BPIFC: variants seen among roughly 807,000 people sequenced by gnomAD.
BPIFC encodes the protein BPI fold containing family C, also known as BPI fold-containing family C protein.
In BPIFC, 60 loss-of-function variants were observed where a neutral mutation model predicts 57.6. The ratio of observed to expected loss-of-function variants is 1.04; its 90% confidence interval spans 0.85 to 1.29. The LOEUF (loss-of-function observed/expected upper bound fraction) is 1.29, where lower values mean the gene tolerates loss of function less well. BPIFC is among the 50% of genes most tolerant of loss of function. The probability of loss-of-function intolerance (pLI) is 0.00; values close to 1 mark genes in which losing one functional copy is unlikely to be tolerated. For missense variants in BPIFC, 581 were observed against 600.5 expected, an observed-to-expected ratio of 0.97 and a Z score of 0.34; for synonymous variants, 243 against 224.5, an observed-to-expected ratio of 1.08 and a Z score of -0.74.
chr22:32,449,616 G>A (rs926631167), intron 4 of BPIFC, among the ~76,000 whole-genome samples: 1 of 152,078 alleles, frequency 6.6e-6, no homozygotes, highest in African/African-American at 2.4e-5. Flanking sequence ...GTGGATGGAT[G>A]TACCATTTCA....
intron 2 of BPIFC, among the ~76,000 whole-genome samples, chr22:32,460,721 C>A (rs1361756844): frequency 6.6e-6 from 1 of 152,212 alleles, no homozygotes; most frequent in African/African-American, 2.4e-5. Flanking sequence ...TATGACTTCC[C>A]TGAGTTAATT....
In BPIFC at chr22:32,457,560, T is replaced by A. The variant is rs146751183; in HGVS notation, c.1-174A>T. 3.3e-3 allele frequency among the ~76,000 whole-genome samples: 197 copies of A among 59,402 alleles called. 3 individuals carry two copies. In the South Asian group the frequency reaches 0.11, roughly 35 times the overall value. The allele number at this position is 59,402 out of a possible 152,430, so 39.0% of individuals were successfully genotyped here. On this transcript the variant is annotated intron_variant, in intron 2 of 16. Coordinates refer to ENST00000300399, the MANE Select transcript of BPIFC (RefSeq NM_174932.3). ...ATCCATCCATCCAACCATCCATCCG[T>A]CCATCCATCCATCCATCCATCCATC...
chr22:32,422,111 AT>A (rs1312419536), intron 13 of BPIFC, among the ~76,000 whole-genome samples: 2 of 152,140 alleles, frequency 1.3e-5, no homozygotes, highest in Non-Finnish European at 2.9e-5. Context: ...TACGATTTTC[AT>A]TTTTTATCCT....
At chr22:32,427,236 AT>A (rs1325144408) in intron 13 of BPIFC, among the ~76,000 whole-genome samples, 1 of 152,234 alleles carries the variant, frequency 6.6e-6, no homozygotes, top group Non-Finnish European at 1.5e-5. Context: ...CATAACAGCC[AT>A]TGAACGTGCT....
At chr22:32,453,601 C>A in intron 3 of BPIFC, 98 bp from the exon 4 acceptor site, 3 of 1,360,466 alleles carry the variant, frequency 2.2e-6, no homozygotes, top group Non-Finnish European at 1.9e-6. Context: ...GTGAGACATG[C>A]CCTTAGATAC....
intron 13 of BPIFC, among the ~76,000 whole-genome samples, chr22:32,423,124 G>A (rs935215637): frequency 1.1e-4 from 16 of 152,160 alleles, no homozygotes; most frequent in African/African-American, 2.7e-4. Context: ...AAGGTTGGCC[G>A]GCTTGAGAAG....
At position 32,447,349 on chromosome 22, in the gene BPIFC, C is replaced by T; in HGVS notation, c.246-9G>A. ...AGGCACTGATTTTTATACTGTAAAA[C>T]CAGAAACAAGAAGTTAGGGCGACTC... On this transcript the variant is annotated splice_polypyrimidine_tract_variant and intron_variant, in intron 4 of 16. Coordinates refer to ENST00000300399, the MANE Select transcript of BPIFC (RefSeq NM_174932.3). The T allele has an allele frequency of 6.2e-7, 1 of 1,609,134 alleles. No homozygotes were observed. The highest frequency in any genetic ancestry group is 1.7e-5 in the Admixed American group (1 of 58,872).
intron 5 of BPIFC, 79 bp from the exon 6 acceptor site, chr22:32,446,075 T>C: frequency 1.3e-6 from 2 of 1,514,094 alleles, no homozygotes; most frequent in Non-Finnish European, 1.8e-6. Flanking sequence ...ACCCAGAGAC[T>C]CTAAGCTCCT....
chr22:32,419,230 C>G lies in BPIFC; in HGVS notation c.1260+132G>C, dbSNP rs768276552. 4.9e-5 allele frequency: 47 copies of G among 951,028 alleles called. No individual in the cohort carries two copies. The African/African-American group carries it at 7.2e-4, about 15-fold the overall frequency. 58.9% of individuals were successfully genotyped at this position (951,028 alleles called of 1,614,324 possible). A position where few individuals can be genotyped will look rare whatever the true frequency, so the allele number is the denominator to read the frequency against. On this transcript the variant is annotated intron_variant, in intron 14 of 16. Coordinates refer to ENST00000300399, the MANE Select transcript of BPIFC (RefSeq NM_174932.3). Reference sequence around the variant, plus strand: ...TGATGAGTAGCTACATAAAGAATTTCAAAGTTAAGTCCTACAATTATGGAG... The same window carrying G: ...TGATGAGTAGCTACATAAAGAATTTGAAAGTTAAGTCCTACAATTATGGAG...
intron 13 of BPIFC, among the ~76,000 whole-genome samples, chr22:32,426,359 G>A (rs2145921420): frequency 6.6e-6 from 1 of 152,272 alleles, no homozygotes; most frequent in Non-Finnish European, 1.5e-5. Flanking sequence ...GCCTGCATGG[G>A]AGGCAGGGCT....
At chr22:32,434,307 A>C (rs956893926) in intron 10 of BPIFC, among the ~76,000 whole-genome samples, 1 of 148,790 alleles carries the variant, frequency 6.7e-6, no homozygotes, top group African/African-American at 2.5e-5. Flanking sequence ...CATAGTCTTT[A>C]TATATATATT....
intron 12 of BPIFC, among the ~76,000 whole-genome samples, 200 bp downstream of exon 12, chr22:32,432,173 T>C (rs548731557): frequency 1.7e-4 from 26 of 152,124 alleles, no homozygotes; most frequent in South Asian, 1.5e-3. Flanking sequence ...CTCTAACTCC[T>C]GGCCTCAAGC....
At chr22:32,435,021 A>G (rs191987804) in intron 10 of BPIFC, among the ~76,000 whole-genome samples, 1 of 152,168 alleles carries the variant, frequency 6.6e-6, no homozygotes, top group Non-Finnish European at 1.5e-5. Context: ...AGCAACAGTT[A>G]TATCGCACTT....
intron 13 of BPIFC, among the ~76,000 whole-genome samples, chr22:32,424,625 CTCCTCTTCTTCTTCTTCTCTTCT>C (rs1933958155): frequency 1.8e-5 from 1 of 56,928 alleles, no homozygotes; most frequent in African/African-American, 1.3e-4. Flanking sequence ...CCTCCTCCTC[CTCCTCTTCTTCTTCTTCTCTTCT>C]TCTTCTTCTT....
At chr22:32,434,284 C>T (rs1441350087) in intron 10 of BPIFC, among the ~76,000 whole-genome samples, 2 of 145,472 alleles carry the variant, frequency 1.4e-5, no homozygotes, top group Non-Finnish European at 3.0e-5. Flanking sequence ...TTATATATTA[C>T]ACTCTATATG....
intron 9 of BPIFC, among the ~76,000 whole-genome samples, chr22:32,436,153 G>C (rs1934387280): frequency 6.6e-6 from 1 of 152,112 alleles, no homozygotes; most frequent in Non-Finnish European, 1.5e-5. Context: ...AATTAGCCAG[G>C]TGTGGTGGCG....
chr22:32,434,629 C>T (rs759365659), intron 10 of BPIFC, among the ~76,000 whole-genome samples: 4 of 151,982 alleles, frequency 2.6e-5, no homozygotes, highest in African/African-American at 7.2e-5. Context: ...TTACTGTCCT[C>T]ACTTTTAGGG....
At chr22:32,463,935 T>A (rs772091367) in intron 1 of BPIFC, among the ~76,000 whole-genome samples, 1 of 152,176 alleles carries the variant, frequency 6.6e-6, no homozygotes, top group Non-Finnish European at 1.5e-5. Flanking sequence ...GTCACTGATG[T>A]GCTTTAAGAC....
chr22:32,419,467 A>C, intron 13 of BPIFC, 63 bp from the exon 14 acceptor site: 1 of 1,431,994 alleles, frequency 7.0e-7, no homozygotes, highest in Non-Finnish European at 9.8e-7. Context: ...AAAGAAACCA[A>C]AAAGTAAAAG....
Sources: allele counts gnomAD v4.1 joint callset (sites outside exome capture counted in the v4.1 genomes callset), GRCh38; gene constraint gnomAD v4.1.1; transcripts MANE v1.5; gene names NCBI Gene and HGNC (gene_info 2026-07-23, HGNC 2026-07-21).